TLN2: variants seen among roughly 807,000 people sequenced by gnomAD.
The protein encoded by TLN2 is talin-2.
TLN2 carries 118 observed loss-of-function variants against 294.7 expected under a neutral mutation model. The observed-to-expected ratio is 0.40, with a 90% CI of 0.34 to 0.47. The LOEUF (loss-of-function observed/expected upper bound fraction) is 0.47, where lower values mean the gene tolerates loss of function less well. Among genes scored for constraint, TLN2 ranks in the 20% least tolerant of loss-of-function variants. TLN2 has a pLI of 0.84. For missense variants in TLN2, 3,083 were observed against 3,282.2 expected (o/e 0.94, Z 1.48); for synonymous variants, 1,431 against 1,304.5 (o/e 1.10, Z -2.09).
intron 2 of TLN2, among the ~76,000 whole-genome samples, chr15:62,606,692 G>A (rs1249227179): frequency 6.6e-6 from 1 of 152,142 alleles, no homozygotes; most frequent in East Asian, 1.9e-4. Context: ...TCATTCACAA[G>A]TAACTGGGAA....
intron 31 of TLN2, 176 bp from the exon 32 acceptor site, chr15:62,740,454 A>G (rs1595847520): frequency 1.4e-6 from 1 of 718,222 alleles, no homozygotes; most frequent in Non-Finnish European, 2.3e-6. Flanking sequence ...ATCTGTTTGG[A>G]GAAGGGTAGA....
At chr15:62,792,846 C>T in intron 46 of TLN2, 59 bp downstream of exon 46, 3 of 1,594,608 alleles carry the variant, frequency 1.9e-6, no homozygotes, top group Non-Finnish European at 2.6e-6. Flanking sequence ...CAGTGATCCG[C>T]TGTAATCAAG....
chr15:62,677,328 G>C (rs1380862804), intron 11 of TLN2, among the ~76,000 whole-genome samples: 1 of 152,118 alleles, frequency 6.6e-6, no homozygotes, highest in Admixed American at 6.5e-5. Context: ...TTCATCTCTT[G>C]CATTCAGATC....
intron 25 of TLN2, among the ~76,000 whole-genome samples, chr15:62,721,350 T>G (rs2060136764): frequency 6.6e-6 from 1 of 152,192 alleles, no homozygotes; most frequent in African/African-American, 2.4e-5. Flanking sequence ...AACATGTATG[T>G]TTTTGCCAGT....
intron 1 of TLN2, among the ~76,000 whole-genome samples, chr15:62,499,156 T>G (rs1036344852): frequency 6.6e-6 from 1 of 152,198 alleles, no homozygotes; most frequent in African/African-American, 2.4e-5. Context: ...TTATTTTTAT[T>G]TATTACAAAA....
intron 1 of TLN2, among the ~76,000 whole-genome samples, chr15:62,391,791 T>C (rs1223483451): frequency 6.6e-6 from 1 of 152,244 alleles, no homozygotes; most frequent in Admixed American, 6.5e-5. Flanking sequence ...GCTTGCCGCC[T>C]TCCTCTGTCC....
At chr15:62,468,097 G>A (rs1267520536) in intron 1 of TLN2, among the ~76,000 whole-genome samples, 5 of 151,454 alleles carry the variant, frequency 3.3e-5, no homozygotes, top group African/African-American at 9.8e-5. Flanking sequence ...AAGCTGTTGC[G>A]AAGGCTTAAA....
At chr15:62,491,441 C>G (rs1265240024) in intron 1 of TLN2, among the ~76,000 whole-genome samples, 1 of 150,372 alleles carries the variant, frequency 6.7e-6, no homozygotes, top group Non-Finnish European at 1.5e-5. Context: ...GGTGGGACAA[C>G]TGGAAGTGGG....
intron 1 of TLN2, among the ~76,000 whole-genome samples, chr15:62,471,940 G>T (rs2439714): frequency 6.6e-6 from 1 of 151,998 alleles, no homozygotes; most frequent in Non-Finnish European, 1.5e-5. Flanking sequence ...TGCCCAGCTC[G>T]CAGTGGTGCA....
At chr15:62,798,430 A>ATAGTGGC (rs1282855919) in intron 48 of TLN2, among the ~76,000 whole-genome samples, 4 of 152,320 alleles carry the variant, frequency 2.6e-5, no homozygotes, top group African/African-American at 4.8e-5. Flanking sequence ...CTCTTGGCAC[A>ATAGTGGC]TAGTGGCTAC....
At chr15:62,529,095 T>G (rs77098061) in intron 1 of TLN2, among the ~76,000 whole-genome samples, 3 of 140,416 alleles carry the variant, frequency 2.1e-5, no homozygotes, top group Non-Finnish European at 3.0e-5. Context: ...TTTACAGGGC[T>G]TTTTTTTTTT....
intron 13 of TLN2, 128 bp from the exon 14 acceptor site, chr15:62,694,188 G>A (rs1184616843): frequency 1.5e-6 from 1 of 675,326 alleles, no homozygotes; most frequent in Non-Finnish European, 2.6e-6. Context: ...TGTTGACCAG[G>A]TTTGTCTCGA....
At chr15:62,430,378 C>T (rs2034948775) in intron 1 of TLN2, among the ~76,000 whole-genome samples, 1 of 152,208 alleles carries the variant, frequency 6.6e-6, no homozygotes, top group Admixed American at 6.5e-5. Context: ...ACAATTACAA[C>T]TGTTATTTTC....
chr15:62,839,204 C>T (rs971028358), intron 58 of TLN2, among the ~76,000 whole-genome samples: 2 of 152,146 alleles, frequency 1.3e-5, no homozygotes, highest in African/African-American at 4.8e-5. Flanking sequence ...GTTCAGTAGC[C>T]CCCTCAACTT....
chr15:62,498,393 G>GT (rs954876105), intron 1 of TLN2, among the ~76,000 whole-genome samples: 2 of 152,042 alleles, frequency 1.3e-5, no homozygotes, highest in Non-Finnish European at 2.9e-5. Context: ...CCCAAGGGTT[G>GT]ACTTGCCTGT....
chr15:62,631,675 TCC>T (rs2049908242), intron 3 of TLN2, among the ~76,000 whole-genome samples: 4 of 146,878 alleles, frequency 2.7e-5, no homozygotes, highest in South Asian at 2.2e-4. Context: ...TTCTCTTTCC[TCC>T]TCTCTTTCTG....
intron 3 of TLN2, among the ~76,000 whole-genome samples, chr15:62,619,739 A>T (rs567642269): frequency 6.6e-6 from 1 of 152,312 alleles, no homozygotes; most frequent in South Asian, 2.1e-4. Context: ...AGCTGAAAGG[A>T]GAAAGGAAGT....
At chr15:62,645,189 C>T (rs1472291934) in intron 3 of TLN2, 1 of 153,448 alleles carries the variant, frequency 6.5e-6, no homozygotes, top group Non-Finnish European at 1.5e-5. Context: ...TTAACTAGGC[C>T]TATAAAGAGA....
At chr15:62,592,713 A>C (rs1026571267) in intron 2 of TLN2, among the ~76,000 whole-genome samples, 1 of 152,248 alleles carries the variant, frequency 6.6e-6, no homozygotes, top group Admixed American at 6.5e-5. Flanking sequence ...TGAGTCTTTC[A>C]CAAGGCTAAG....
Sources: gnomAD v4.1 joint callset for allele counts (sites outside exome capture counted in the v4.1 genomes callset) on GRCh38, gnomAD v4.1.1 for gene constraint, MANE v1.5 for transcripts, NCBI Gene and HGNC (gene_info 2026-07-23, HGNC 2026-07-21) for gene names.